STK31: variants seen among roughly 807,000 people sequenced by gnomAD.
STK31 encodes serine/threonine kinase 31.
Under a neutral mutation model 129.7 loss-of-function variants are expected in STK31, and 89 were observed. The ratio of observed to expected loss-of-function variants is 0.69; its 90% CI spans 0.58 to 0.82. The LOEUF (loss-of-function observed/expected upper bound fraction) is 0.82, where lower values mean the gene tolerates loss of function less well. STK31 is among the 40% of genes least tolerant of loss of function. STK31 has a pLI of 0.00. For synonymous variants in STK31, 448 were observed against 395.3 expected (o/e 1.13, Z -1.58); for missense variants, 1,187 against 1,176.4 (o/e 1.01, Z -0.13).
intron 16 of STK31, 133 bp downstream of exon 16, chr7:23,781,653 T>G (rs1790932686): frequency 1.8e-6 from 1 of 544,738 alleles, no homozygotes; most frequent in Non-Finnish European, 3.1e-6. Flanking sequence ...TATATTGACC[T>G]GGTAAGATTT....
intron 15 of STK31, among the ~76,000 whole-genome samples, chr7:23,775,124 A>C (rs1445346784): frequency 3.5e-5 from 5 of 143,252 alleles, no homozygotes. Context: ...AGGTTTGTCA[A>C]AGATCAGATG....
chr7:23,767,348 C>T (rs1789894945), intron 11 of STK31, among the ~76,000 whole-genome samples: 1 of 152,104 alleles, frequency 6.6e-6, no homozygotes, highest in Admixed American at 6.5e-5. Context: ...ATATGAAGGG[C>T]CTAGGGAAGA....
chr7:23,816,768 T>C (rs1793493301), intron 23 of STK31, among the ~76,000 whole-genome samples: 1 of 152,224 alleles, frequency 6.6e-6, no homozygotes, highest in African/African-American at 2.4e-5. Context: ...ATAAGTGATA[T>C]CCCATAGTTT....
chr7:23,736,107 A>C (rs1165672476), intron 7 of STK31, among the ~76,000 whole-genome samples: 2 of 152,242 alleles, frequency 1.3e-5, no homozygotes, highest in East Asian at 1.9e-4. Context: ...ATAACTCCTG[A>C]ATTATTTTAA....
At chr7:23,828,324 C>T (rs1211642430) in intron 23 of STK31, among the ~76,000 whole-genome samples, 4 of 152,216 alleles carry the variant, frequency 2.6e-5, no homozygotes, top group African/African-American at 9.6e-5. Flanking sequence ...TCGCTGCCGC[C>T]TTGCAGTTTG....
At chr7:23,822,576 G>T (rs1447697914) in intron 23 of STK31, among the ~76,000 whole-genome samples, 2 of 152,082 alleles carry the variant, frequency 1.3e-5, no homozygotes, top group Non-Finnish European at 2.9e-5. Context: ...CATCTGCAAA[G>T]AGGGACAGTT....
chr7:23,806,261 A>G (rs1250969084), intron 22 of STK31, among the ~76,000 whole-genome samples: 1 of 152,212 alleles, frequency 6.6e-6, no homozygotes, highest in African/African-American at 2.4e-5. Context: ...CTCTGCTTAC[A>G]AAGTCTTGCG....
At chr7:23,727,030 G>A (rs1429355719) in intron 4 of STK31, among the ~76,000 whole-genome samples, 2 of 152,202 alleles carry the variant, frequency 1.3e-5, no homozygotes, top group Non-Finnish European at 2.9e-5. Context: ...GAAGTCAGAA[G>A]TTTGAATCTT....
At chr7:23,716,602 T>G (rs1051519875) in intron 3 of STK31, among the ~76,000 whole-genome samples, 67 of 152,122 alleles carry the variant, frequency 4.4e-4, no homozygotes, top group Admixed American at 4.3e-3. Flanking sequence ...AAGAGCTGTC[T>G]CTTCTCTGCC....
chr7:23,765,435 A>ACC (rs1461890415), intron 11 of STK31, among the ~76,000 whole-genome samples: 1 of 152,100 alleles, frequency 6.6e-6, no homozygotes, highest in Admixed American at 6.6e-5. Context: ...TTTTGAAAGC[A>ACC]CCCAACGTAT....
intron 1 of STK31, among the ~76,000 whole-genome samples, chr7:23,710,972 C>T (rs1169063335): frequency 6.6e-6 from 1 of 151,986 alleles, no homozygotes; most frequent in Non-Finnish European, 1.5e-5. Context: ...AGAAAAGAAC[C>T]CTTGCTTTGG....
At position 23,830,527 on chromosome 7, in the gene STK31, A is replaced by G. The variant is rs182049000; in HGVS notation, c.2830-1609A>G. ...CAGTGATTGCTCGAAGACATTTTCT[A>G]ATTCCCTCTTTAATTTCTTCCTTGA... is the stretch of plus-strand genomic sequence containing the variant. On this transcript the variant is annotated intron_variant, in intron 23 of 23. Transcript: ENST00000355870. 1.2e-3 allele frequency among the ~76,000 whole-genome samples: 188 copies of G among 151,180 alleles called. 3 individuals are homozygous for G. Among genetic ancestry groups the G allele is most frequent in the African/African-American group, 4.5e-3 (185 of 40,932 alleles).
At chr7:23,750,426 C>T (rs1788644037) in intron 8 of STK31, among the ~76,000 whole-genome samples, 1 of 152,174 alleles carries the variant, frequency 6.6e-6, no homozygotes, top group African/African-American at 2.4e-5. Context: ...TTGTTGATTT[C>T]CACTTTGTTC....
chr7:23,720,278 T>G (rs1786612447), intron 4 of STK31, among the ~76,000 whole-genome samples: 1 of 152,182 alleles, frequency 6.6e-6, no homozygotes, highest in Non-Finnish European at 1.5e-5. Context: ...TGAATATTTC[T>G]TATACTAGAA....
intron 22 of STK31, among the ~76,000 whole-genome samples, chr7:23,810,322 A>G (rs1758556070): frequency 1.3e-5 from 2 of 151,558 alleles, no homozygotes; most frequent in African/African-American, 4.9e-5. Context: ...AATAACATAT[A>G]GTTGCATTGT....
chr7:23,792,934 A>G (rs898037846), intron 22 of STK31, among the ~76,000 whole-genome samples: 1 of 152,216 alleles, frequency 6.6e-6, no homozygotes, highest in Non-Finnish European at 1.5e-5. Context: ...AGACAGAAAG[A>G]TTGTTGGAGT....
In STK31 at chr7:23,712,227, A is replaced by T. The variant is rs752919556; in HGVS notation, c.98-7A>T. ...CTAATTTTCCTTGTATTGTGATTTG[A>T]TTTTAGTGGAAGATGTGGTTGGAAG... On this transcript the variant is annotated splice_region_variant and splice_polypyrimidine_tract_variant and intron_variant, in intron 2 of 23. Coordinates refer to ENST00000355870, the MANE Select transcript of STK31 (RefSeq NM_031414.5). 1 of 1,614,022 alleles carries T rather than the reference A, an allele frequency of 6.2e-7. No individual in the cohort carries two copies. Among genetic ancestry groups the T allele is most frequent in the Non-Finnish European group, 8.5e-7 (1 of 1,179,954 alleles).
rs944408053 is a variant in STK31, at chr7:23,755,555, T to C, written c.1293+1081T>C. 2.0e-5 allele frequency among the ~76,000 whole-genome samples: 3 copies of C among 152,224 alleles called. No homozygotes were observed. In the East Asian group the frequency reaches 5.8e-4, roughly 29 times the overall value. ...TTTGTTGCATTTGCTTTTGTTGTTT[T>C]TGTCAAGAAGTCTTTGCCCATGCCT... On this transcript the variant is annotated intron_variant, in intron 10 of 23. Coordinates refer to ENST00000355870, the MANE Select transcript of STK31 (RefSeq NM_031414.5).
rs894168669 is a variant in STK31, at chr7:23,783,311, G to A, written c.2068-272G>A. On this transcript the variant is annotated intron_variant, in intron 16 of 23. Transcript: ENST00000355870. The stretch of plus-strand genomic sequence containing the variant: ...ACTGCTAAGTTACATTTTCAGTCTC[G>A]TCTGCCTGTTAAGCTAGGTTGCAGT... Among the ~76,000 whole-genome samples the A allele has an allele frequency of 4.6e-5, 7 of 152,238 alleles. No homozygotes were observed. In the East Asian group the frequency reaches 5.8e-4, roughly 13 times the overall value.
Sources: gnomAD v4.1 joint callset for allele counts (sites outside exome capture counted in the v4.1 genomes callset) on GRCh38, gnomAD v4.1.1 for gene constraint, MANE v1.5 for transcripts, NCBI Gene and HGNC (gene_info 2026-07-23, HGNC 2026-07-21) for gene names.